ZAN: variants seen among roughly 807,000 people sequenced by gnomAD.
The protein encoded by ZAN is zonadhesin.
Under a neutral mutation model 286.2 loss-of-function variants are expected in ZAN, and 260 were observed. That is an observed-to-expected ratio of 0.91 (90% CI 0.82 to 1.01). ZAN has a LOEUF of 1.01. Ranked by LOEUF, ZAN falls within the 50% of genes least tolerant of loss-of-function variation. The pLI is 0.00. For synonymous variants in ZAN, 1,368 were observed against 1,417.5 expected, an observed-to-expected ratio of 0.97 and a Z score of 0.79; for missense variants, 3,410 against 3,639.2, an observed-to-expected ratio of 0.94 and a Z score of 1.62.
At chr7:100,776,718 CTTTTT>C (rs1161585746) in intron 34 of ZAN, among the ~76,000 whole-genome samples, 154 bp downstream of exon 34, 19 of 47,506 alleles carry the variant, frequency 4.0e-4, no homozygotes, top group African/African-American at 1.2e-3. Flanking sequence ...CCTCTCCTTT[CTTTTT>C]TTTTTTTTTT....
At chr7:100,796,587 T>C (rs1812381108) in intron 45 of ZAN, among the ~76,000 whole-genome samples, 1 of 152,048 alleles carries the variant, frequency 6.6e-6, no homozygotes, top group South Asian at 2.1e-4. Flanking sequence ...CGGCTATTTT[T>C]GTATTTTTAG....
chr7:100,766,638 G>C lies in ZAN; in HGVS notation c.4584G>C (p.Gln1528His). Residue 1528 changes from glutamine (Q) to histidine (H), a missense_variant, in exon 24 of 48, where the codon CAG becomes CAC. Gln to His is a conservative substitution (Grantham distance 24, BLOSUM62 0). This residue lies in a region of ZAN where 1,042 missense variants were observed against 1,058.0 expected (regional missense o/e 0.98). Transcript: ENST00000613979. Reference sequence around the variant, plus strand: ...GGGCCCAGGAGTTCTGTGGCCAACAGGATGGTATCTATGGCTGCCATGCCC... The same window carrying C: ...GGGCCCAGGAGTTCTGTGGCCAACACGATGGTATCTATGGCTGCCATGCCC... ...RCRAQEFCGQQDGIYGCHAQG... is the reference protein window; with the variant it reads ...RCRAQEFCGQHDGIYGCHAQG... 1 of 1,566,318 alleles carries C rather than the reference G, an allele frequency of 6.4e-7. No individual in the cohort carries two copies.
intron 36 of ZAN, among the ~76,000 whole-genome samples, chr7:100,785,176 G>A (rs1204399647): frequency 6.7e-6 from 1 of 149,372 alleles, no homozygotes; most frequent in Non-Finnish European, 1.5e-5. Context: ...GGGTTCAGTA[G>A]TACCTCCTGC....
Position 100,790,494 on chromosome 7 carries a change from G to A in ZAN, c.7358-448G>A, listed in dbSNP as rs138172515. Among the ~76,000 whole-genome samples, 793 of 151,302 alleles carry A rather than the reference G, an allele frequency of 5.2e-3. 8 individuals are homozygous for A. The highest frequency in any genetic ancestry group is 0.03 in the East Asian group (154 of 5,130). On this transcript the variant is annotated intron_variant, in intron 39 of 47. Transcript: ENST00000613979. Reference sequence around the variant, plus strand: ...GGAGAATGGAGTGAACCTGGGAGGCGGAGCTTGCAGTGAGCGGAGATCACA... The same window carrying A: ...GGAGAATGGAGTGAACCTGGGAGGCAGAGCTTGCAGTGAGCGGAGATCACA...
At chr7:100,787,180 G>A (rs1279483969) in intron 37 of ZAN, among the ~76,000 whole-genome samples, 1 of 151,900 alleles carries the variant, frequency 6.6e-6, no homozygotes, top group Non-Finnish European at 1.5e-5. Context: ...TCAGCACTTT[G>A]GACTTTGGGA....
intron 15 of ZAN, among the ~76,000 whole-genome samples, chr7:100,756,909 C>T (rs1210598434): frequency 1.3e-5 from 2 of 152,084 alleles, no homozygotes; most frequent in South Asian, 4.1e-4. Flanking sequence ...CCTGGGATTA[C>T]GGGCATGCGC....
At chr7:100,762,118 GT>G in intron 19 of ZAN, 96 bp from the exon 20 acceptor site, 2 of 1,518,692 alleles carry the variant, frequency 1.3e-6, no homozygotes, top group Non-Finnish European at 1.8e-6. Flanking sequence ...CACGCCCTCT[GT>G]TTTAGGATCC....
Position 100,734,093 on chromosome 7 carries a change from AG to A in ZAN, c.-70del, listed in dbSNP as rs1362743787. On this transcript the variant is annotated 5_prime_UTR_variant, in exon 2 of 48. An upstream open reading frame in the 5' UTR loses its in-frame stop. Coordinates refer to ENST00000613979, the MANE Select transcript of ZAN (RefSeq NM_003386.3). Reference sequence around the variant, plus strand: ...GGAAGGATGCCAAGCTAAGGAGGCCAGGGGGGAATAAAAGGAGTCCAGGCTC... The same window carrying A: ...GGAAGGATGCCAAGCTAAGGAGGCCAGGGGGAATAAAAGGAGTCCAGGCTC... 31 of 966,990 alleles carry A rather than the reference AG, an allele frequency of 3.2e-5. 2 individuals are homozygous for A. The highest frequency in any genetic ancestry group is 2.9e-4 in the African/African-American group (17 of 59,324). The allele number at this position is 966,990 out of a possible 1,614,324, so 59.9% of individuals were successfully genotyped here.
In ZAN at chr7:100,763,905, TGGCC is replaced by T; in HGVS notation, c.4087_4090del (p.Gly1363HisfsTer9). ...TCTGTGGACGGCTGGTCGACACTCA[TGGCC>T]CATTTGAGTATGAAGGAGGGCAGGC... On this transcript the variant is annotated frameshift_variant, in exon 21 of 48. Transcript: ENST00000613979. LOFTEE classifies it high-confidence loss of function. The surrounding 1 kb of genome is among the most constrained non-coding windows in gnomAD (Gnocchi z 4.6). The T allele has an allele frequency of 6.2e-7, 1 of 1,613,998 alleles. No individual in the cohort carries two copies. The highest frequency in any genetic ancestry group is 2.2e-5 in the East Asian group (1 of 44,880).
intron 11 of ZAN, among the ~76,000 whole-genome samples, chr7:100,749,138 G>A (rs565258168): frequency 6.6e-5 from 10 of 151,842 alleles, no homozygotes; most frequent in East Asian, 3.9e-4. Context: ...TCAGGAGTTC[G>A]AGACCAGCTG....
At chr7:100,746,759 G>T in intron 8 of ZAN, 57 bp downstream of exon 8, 1 of 1,580,390 alleles carries the variant, frequency 6.3e-7, no homozygotes, top group Non-Finnish European at 8.7e-7. Context: ...CCCAGGGTTG[G>T]CTTGATGGGG....
chr7:100,736,603 G>T lies in ZAN; in HGVS notation c.227G>T (p.Gly76Val). 6.6e-7 allele frequency: 1 copy of T among 1,523,016 alleles called. No homozygotes were observed. The highest frequency in any genetic ancestry group is 9.0e-7 in the Non-Finnish European group (1 of 1,107,514). 94.3% of individuals were successfully genotyped at this position (1,523,016 alleles called of 1,614,324 possible). Residue 76 changes from glycine (G) to valine (V), a missense_variant, in exon 4 of 48, where the codon GGG (glycine) becomes GTG (valine). By Grantham distance (109) the Gly-to-Val change is moderately radical. Coordinates refer to ENST00000613979, the MANE Select transcript of ZAN (RefSeq NM_003386.3). Reference protein sequence around the residue: ...ASGPSPTGSTGAPGGYPNGEG... With the variant: ...ASGPSPTGSTVAPGGYPNGEG... ...GGGCCCTCTCCCACCGGCTCCACCGGGGCCCCCGGGGGGTACCCTAACGGA... is the reference window on the plus strand; with the variant it reads ...GGGCCCTCTCCCACCGGCTCCACCGTGGCCCCCGGGGGGTACCCTAACGGA...
rs867789166 is a variant in ZAN at position 100,775,483 on chromosome 7, G to A, written c.5935G>A (p.Glu1979Lys). Reference sequence around the variant, plus strand: ...CAAGATCAGTGCCAAGCATGAGAAGGAGGAAGGTGGAACTGAGGCTTTCCG... The same window carrying A: ...CAAGATCAGTGCCAAGCATGAGAAGAAGGAAGGTGGAACTGAGGCTTTCCG... ...FFKISAKHEK[E>K]EGGTEAFRLH... Residue 1979 changes from glutamate to lysine, a missense_variant, in exon 32 of 48, where the codon GAG (glutamate) becomes AAG (lysine). Around this residue, in one of 7 missense-constraint regions of ZAN, gnomAD observed 1,289 missense variants for 1,314.3 expected, o/e 0.98. Transcript: ENST00000613979. 2.5e-6 allele frequency: 4 copies of A among 1,613,832 alleles called. No homozygotes were observed. Among genetic ancestry groups the A allele is most frequent in the African/African-American group, 2.7e-5 (2 of 74,916 alleles).
chr7:100,758,273 C>A lies in ZAN; in HGVS notation c.3381C>A (p.Cys1127Ter). 6.2e-7 allele frequency: 1 copy of A among 1,613,394 alleles called. No individual in the cohort carries two copies. The highest frequency in any genetic ancestry group is 8.5e-7 in the Non-Finnish European group (1 of 1,179,872). The part of the protein sequence containing the change: ...CRCWPGSRVE[C>*]QISQCGTHTV... The stretch of plus-strand genomic sequence containing the variant: ...GCTGGCCCGGCAGTCGGGTCGAGTG[C>A]CAGATCTCTCAGTGTGGGACACACA... The change falls in exon 16 of 48, where the codon TGC (cysteine) becomes TGA (stop). Residue 1127 changes from cysteine to a stop codon, truncating the protein, a stop_gained. Transcript: ENST00000613979. LOFTEE classifies it high-confidence loss of function.
At chr7:100,749,736 A>ATG (rs1488862829) in intron 11 of ZAN, among the ~76,000 whole-genome samples, 55 of 149,232 alleles carry the variant, frequency 3.7e-4, no homozygotes, top group Non-Finnish European at 7.7e-4. Flanking sequence ...ATATATATAT[A>ATG]AAGAAATAAT....
rs749726364 is a variant in ZAN, at chr7:100,760,472, C to T, written c.3778C>T (p.Gln1260Ter). Residue 1260 changes from glutamine to a stop codon, truncating the protein, a stop_gained, in exon 19 of 48, where the codon CAG (glutamine) becomes TAG (stop). Coordinates refer to ENST00000613979, the MANE Select transcript of ZAN (RefSeq NM_003386.3). LOFTEE classifies it high-confidence loss of function. ...TGCAAGCGGGCGGTTTGTGGAGCTG[C>T]AGACGGAGTTCGGTTTGCGGGTGAG... is the stretch of plus-strand genomic sequence containing the variant. ...LGASGRFVEL[Q>*]TEFGLRVRWD... 1.2e-6 allele frequency: 2 copies of T among 1,613,974 alleles called. No homozygotes were observed. Among genetic ancestry groups the T allele is most frequent in the South Asian group, 2.2e-5 (2 of 91,076 alleles).
intron 9 of ZAN, 66 bp from the exon 10 acceptor site, chr7:100,748,071 G>A: frequency 4.4e-6 from 6 of 1,370,032 alleles, no homozygotes; most frequent in Non-Finnish European, 6.2e-6. Flanking sequence ...ATGGAGTCGA[G>A]TTAGATCAGG....
chr7:100,754,536 C>T (rs974290426), intron 14 of ZAN, among the ~76,000 whole-genome samples: 4 of 151,942 alleles, frequency 2.6e-5, no homozygotes, highest in African/African-American at 7.2e-5. Context: ...CAGGGTCTCG[C>T]TCTGTCACCC....
At chr7:100,768,812 A>G in intron 27 of ZAN, 91 bp downstream of exon 27, 2 of 1,056,442 alleles carry the variant, frequency 1.9e-6, no homozygotes, top group South Asian at 3.2e-5. Flanking sequence ...GTGTGTCCCC[A>G]CTCCCTCTGT....
Sources: gnomAD v4.1 joint callset for allele counts (sites outside exome capture counted in the v4.1 genomes callset) on GRCh38, gnomAD v4.1.1 for gene constraint, gnomAD v4.1.1 regional missense constraint, Gnocchi (gnomAD v3.1) non-coding constraint, MANE v1.5 for transcripts, NCBI Gene and HGNC (gene_info 2026-07-23, HGNC 2026-07-21) for gene names.